Variants in STK31 observed in about 807,000 individuals in gnomAD.
STK31 encodes serine/threonine kinase 31.
In STK31, 89 loss-of-function variants were observed where a neutral mutation model predicts 129.7. The ratio of observed to expected loss-of-function variants is 0.69; its 90% CI spans 0.58 to 0.82. STK31 has a LOEUF of 0.82. Among genes scored for constraint, STK31 ranks in the 40% least tolerant of loss-of-function variants. The probability of loss-of-function intolerance (pLI) is 0.00; values close to 1 mark genes in which losing one functional copy is unlikely to be tolerated. For synonymous variants in STK31, 448 were observed against 395.3 expected (o/e 1.13, Z -1.58); for missense variants, 1,187 against 1,176.4 (o/e 1.01, Z -0.13).
At chr7:23,734,833 T>C (rs886489390) in intron 6 of STK31, among the ~76,000 whole-genome samples, 8 of 152,028 alleles carry the variant, frequency 5.3e-5, no homozygotes, top group African/African-American at 1.7e-4. Context: ...GGTGTGGTGG[T>C]GTGTGCCAGT....
Position 23,735,693 on chromosome 7 carries a change from A to G in STK31, c.639A>G (p.Arg213=). 6 of 1,614,096 alleles carry G rather than the reference A, an allele frequency of 3.7e-6. No homozygotes were observed. In the South Asian group the frequency reaches 4.4e-5, roughly 12 times the overall value. ...VLKKGFAEKC[R]LASRTDICEE... Reference sequence around the variant, plus strand: ...AGAAAGGATTTGCAGAGAAATGCAGACTTGCTTCCAGAACTGACATCTGTG... The same window carrying G: ...AGAAAGGATTTGCAGAGAAATGCAGGCTTGCTTCCAGAACTGACATCTGTG... Residue 213 remains arginine, a synonymous_variant, in exon 7 of 24, where the codon AGA becomes AGG. Coordinates refer to ENST00000355870, the MANE Select transcript of STK31 (RefSeq NM_031414.5).
At chr7:23,714,003 T>G (rs1002162240) in intron 3 of STK31, among the ~76,000 whole-genome samples, 1 of 152,166 alleles carries the variant, frequency 6.6e-6, no homozygotes, top group Non-Finnish European at 1.5e-5. Flanking sequence ...ACCACAAATA[T>G]GTGAGTAATG....
At chr7:23,748,056 G>A (rs1212849949) in intron 8 of STK31, among the ~76,000 whole-genome samples, 1 of 152,120 alleles carries the variant, frequency 6.6e-6, no homozygotes, top group African/African-American at 2.4e-5. Context: ...ATTAATATTA[G>A]TTTCTTTTCA....
chr7:23,734,880 G>T (rs747780592), intron 6 of STK31, among the ~76,000 whole-genome samples: 2 of 152,104 alleles, frequency 1.3e-5, no homozygotes, highest in Non-Finnish European at 2.9e-5. Context: ...CAGGAGAATC[G>T]CTTGAACCGG....
At position 23,769,184 on chromosome 7, in the gene STK31, G is replaced by A. The variant is rs775130768; in HGVS notation, c.1596+10G>A. The A allele has an allele frequency of 2.0e-6, 3 of 1,530,486 alleles. No homozygotes were observed. The highest frequency in any genetic ancestry group is 2.6e-6 in the Non-Finnish European group (3 of 1,143,810). 94.8% of individuals were successfully genotyped at this position (1,530,486 alleles called of 1,614,324 possible). On this transcript the variant is annotated intron_variant, in intron 12 of 23. Transcript: ENST00000355870. ...CCAAAGAACCTTAAAGGTAATAAAA[G>A]CTCCTGCCCGGTTGTGTTTGTAGCA...
intron 23 of STK31, among the ~76,000 whole-genome samples, chr7:23,817,429 C>A (rs1793541054): frequency 6.6e-6 from 1 of 152,104 alleles, no homozygotes; most frequent in Non-Finnish European, 1.5e-5. Context: ...TTATAAAAAT[C>A]TTGGCTTGTA....
At chr7:23,744,253 A>G (rs1303261752) in intron 8 of STK31, among the ~76,000 whole-genome samples, 1 of 146,874 alleles carries the variant, frequency 6.8e-6, no homozygotes, top group Non-Finnish European at 1.5e-5. Context: ...TTTGGAATGT[A>G]TTTTGTATTT....
At chr7:23,773,207 CT>C (rs1437640311) in intron 15 of STK31, among the ~76,000 whole-genome samples, 1 of 152,058 alleles carries the variant, frequency 6.6e-6, no homozygotes, top group African/African-American at 2.4e-5. Context: ...CCCCCACCCC[CT>C]GACAGGCCCA....
rs1233035326 is a variant in STK31 at position 23,735,752 on chromosome 7, T to G, written c.698T>G (p.Leu233Arg). 1.9e-6 allele frequency: 3 copies of G among 1,614,020 alleles called. No individual in the cohort carries two copies. The highest frequency in any genetic ancestry group is 1.7e-5 in the Admixed American group (1 of 60,002). The change falls in exon 7 of 24, where the codon CTC (leucine) becomes CGC (arginine). Residue 233 changes from leucine (L) to arginine (R), a missense_variant. Around this residue, in one of 5 missense-constraint regions of STK31, gnomAD observed 975 missense variants for 934.9 expected, o/e 1.04. Transcript: ENST00000355870. ...EKKLDPGQLV[L>R]RNLKSPIPLW... The stretch of plus-strand genomic sequence containing the variant: ...AAATTGGATCCTGGTCAACTTGTTC[T>G]CAGGAACCTCAAAAGCCCCATTCCT...
chr7:23,781,378 TC>T (rs770745880), intron 15 of STK31, 40 bp from the exon 16 acceptor site: 46 of 1,448,530 alleles, frequency 3.2e-5, no homozygotes, highest in Non-Finnish European at 4.4e-5. Context: ...AGACTTGTTT[TC>T]TCTATGTTAA....
Position 23,750,074 on chromosome 7 carries a change from CCG to C in STK31, c.1018-2641_1018-2640del, listed in dbSNP as rs1554287947. Among the ~76,000 whole-genome samples the C allele has an allele frequency of 8.0e-5, 10 of 125,266 alleles. 2 individuals carry two copies. The highest frequency in any genetic ancestry group is 1.4e-4 in the Non-Finnish European group (8 of 56,412). The allele number at this position is 125,266 out of a possible 152,430, so 82.2% of individuals were successfully genotyped here. ...ATTTCAGAATGGTTTGTTTCCCCCC[CCG>C]CCACTGCTGGAAACATGAGGGGATT... On this transcript the variant is annotated intron_variant, in intron 8 of 23. Coordinates refer to ENST00000355870, the MANE Select transcript of STK31 (RefSeq NM_031414.5).
At chr7:23,788,559 G>C (rs1040324651) in intron 21 of STK31, among the ~76,000 whole-genome samples, 1 of 152,036 alleles carries the variant, frequency 6.6e-6, no homozygotes, top group African/African-American at 2.4e-5. Context: ...GGACTTTTTA[G>C]TTTAAATCCT....
chr7:23,725,019 C>T (rs1281868804), intron 4 of STK31, among the ~76,000 whole-genome samples: 1 of 152,140 alleles, frequency 6.6e-6, no homozygotes, highest in African/African-American at 2.4e-5. Flanking sequence ...TTATTCCCTC[C>T]TAAGGAGCAT....
chr7:23,826,509 G>A (rs1368964750), intron 23 of STK31, among the ~76,000 whole-genome samples: 2 of 152,070 alleles, frequency 1.3e-5, no homozygotes, highest in East Asian at 3.8e-4. Flanking sequence ...CGTGAGATGG[G>A]TTTCCTGAAT....
At chr7:23,760,686 G>A (rs1789410226) in intron 10 of STK31, among the ~76,000 whole-genome samples, 1 of 151,892 alleles carries the variant, frequency 6.6e-6, no homozygotes, top group Non-Finnish European at 1.5e-5. Flanking sequence ...TTGAGGTATG[G>A]TCTCACTCTG....
intron 15 of STK31, among the ~76,000 whole-genome samples, chr7:23,772,868 C>G (rs907022367): frequency 6.6e-6 from 1 of 152,146 alleles, no homozygotes; most frequent in African/African-American, 2.4e-5. Flanking sequence ...GTACAAGGAT[C>G]TGTATTATGC....
At chr7:23,783,524 C>T (rs1317084963) in intron 16 of STK31, 59 bp from the exon 17 acceptor site, 6 of 1,233,912 alleles carry the variant, frequency 4.9e-6, no homozygotes, top group Non-Finnish European at 6.9e-6. Flanking sequence ...TGAAGAGCAA[C>T]ATGTCAAAAT....
intron 23 of STK31, among the ~76,000 whole-genome samples, chr7:23,817,662 C>T (rs767010876): frequency 1.3e-5 from 2 of 152,180 alleles, no homozygotes; most frequent in Non-Finnish European, 1.5e-5. Context: ...CTTCAGAATC[C>T]CTCCAATAAT....
At position 23,832,294 on chromosome 7, in the gene STK31, A is replaced by G; in HGVS notation, c.2988A>G (p.Glu996=). Residue 996 remains glutamate, a synonymous_variant, in exon 24 of 24, where the codon GAA becomes GAG. Transcript: ENST00000355870. The part of the protein sequence containing the change: ...DTEYTLYKKE[E]EIKTENLDKC... ...AATACACCCTATATAAAAAGGAAGA[A>G]GAAATAAAGACGGAGAACTTGGATA... The G allele has an allele frequency of 6.2e-7, 1 of 1,614,062 alleles. No individual in the cohort carries two copies. Among genetic ancestry groups the G allele is most frequent in the Non-Finnish European group, 8.5e-7 (1 of 1,180,002 alleles).
Sources: gnomAD v4.1 joint callset for allele counts (sites outside exome capture counted in the v4.1 genomes callset) on GRCh38, gnomAD v4.1.1 for gene constraint, gnomAD v4.1.1 regional missense constraint, MANE v1.5 for transcripts, NCBI Gene and HGNC (gene_info 2026-07-23, HGNC 2026-07-21) for gene names.